Variants in KIAA0319 observed in about 807,000 individuals in gnomAD.
The protein encoded by KIAA0319 is KIAA0319, also known as dyslexia-associated protein KIAA0319.
Under a neutral mutation model 108.4 loss-of-function variants are expected in KIAA0319, and 83 were observed. The ratio of observed to expected loss-of-function variants is 0.77; its 90% confidence interval spans 0.64 to 0.92. KIAA0319 has a LOEUF of 0.92. Among genes scored for constraint, KIAA0319 ranks in the 40% least tolerant of loss-of-function variants. KIAA0319 has a pLI of 0.00. For missense variants in KIAA0319, 1,195 were observed against 1,322.4 expected, an observed-to-expected ratio of 0.90 and a Z score of 1.49; for synonymous variants, 484 against 510.4, an observed-to-expected ratio of 0.95 and a Z score of 0.70.
chr6:24,555,907 C>G (rs1762221921), intron 18 of KIAA0319, among the ~76,000 whole-genome samples: 1 of 152,140 alleles, frequency 6.6e-6, no homozygotes, highest in African/African-American at 2.4e-5. Context: ...AGCCCGTGGC[C>G]CAAGCAATTC....
chr6:24,624,342 G>A lies in KIAA0319; in HGVS notation c.-106+21394C>T, dbSNP rs146345712. ...GTTGTGAGCCGCCATGCCAGGCCTT[G>A]AATTTCTTTATTGCACAAACTATCT... On this transcript the variant is annotated intron_variant, in intron 1 of 20. Transcript: ENST00000378214. Among the ~76,000 whole-genome samples the A allele has an allele frequency of 4.8e-3, 719 of 151,334 alleles. 4 individuals carry two copies. Among genetic ancestry groups the A allele is most frequent in the African/African-American group, 0.016 (661 of 41,222 alleles).
At chr6:24,601,394 G>T in intron 1 of KIAA0319, 186 bp from the exon 2 acceptor site, 1 of 827,018 alleles carries the variant, frequency 1.2e-6, no homozygotes, top group Non-Finnish European at 1.5e-6. Context: ...CCTAAGAAGA[G>T]CCAAAGAATT....
intron 1 of KIAA0319, among the ~76,000 whole-genome samples, chr6:24,623,661 T>C (rs1429065787): frequency 2.0e-5 from 3 of 152,082 alleles, no homozygotes; most frequent in African/African-American, 7.2e-5. Flanking sequence ...ATGAAGAGGA[T>C]TGGTGAATGG....
chr6:24,606,993 C>A (rs192563483), intron 1 of KIAA0319, among the ~76,000 whole-genome samples: 1 of 152,178 alleles, frequency 6.6e-6, no homozygotes, highest in Non-Finnish European at 1.5e-5. Context: ...GGACAGCCAA[C>A]CTTTGAATTC....
chr6:24,604,979 T>G (rs1771190714), intron 1 of KIAA0319, among the ~76,000 whole-genome samples: 1 of 152,180 alleles, frequency 6.6e-6, no homozygotes, highest in African/African-American at 2.4e-5. Context: ...TAGCTAGGAT[T>G]ACAGGCGCCA....
intron 17 of KIAA0319, among the ~76,000 whole-genome samples, chr6:24,558,352 GATAT>G (rs767153802): frequency 7.7e-6 from 1 of 129,082 alleles, no homozygotes; most frequent in Non-Finnish European, 1.6e-5. Context: ...ATTGTAGATG[GATAT>G]ATATATATCT....
Position 24,547,021 on chromosome 6 carries a change from G to C in KIAA0319, c.*144C>G. ...TTTTGTTTTGTGCCTTCAAAAACCG[G>C]TCTTTTAGTACGTGGGGATACACAT... On this transcript the variant is annotated 3_prime_UTR_variant, in exon 21 of 21. Transcript: ENST00000378214. 1.3e-6 allele frequency: 1 copy of C among 796,634 alleles called. No individual in the cohort carries two copies. The highest frequency in any genetic ancestry group is 2.0e-6 in the Non-Finnish European group (1 of 499,840). 49.3% of individuals were successfully genotyped at this position (796,634 alleles called of 1,614,324 possible). A position where few individuals can be genotyped will look rare whatever the true frequency, so the allele number is the denominator to read the frequency against.
chr6:24,554,138 C>T (rs1435834286), intron 19 of KIAA0319, among the ~76,000 whole-genome samples: 6 of 152,144 alleles, frequency 3.9e-5, no homozygotes, highest in Admixed American at 6.5e-5. Context: ...AGGTAGACAG[C>T]GGCAAAAGTG....
intron 3 of KIAA0319, 41 bp from the exon 4 acceptor site, chr6:24,588,826 A>G: frequency 1.3e-6 from 2 of 1,529,852 alleles, no homozygotes; most frequent in Non-Finnish European, 1.8e-6. Flanking sequence ...ATTAAAAAAA[A>G]AACAGTCCAA....
At chr6:24,540,782 T>C (rs923467394), downstream of KIAA0319, among the ~76,000 whole-genome samples, 2 of 152,226 alleles carry the variant, frequency 1.3e-5, no homozygotes, top group African/African-American at 2.4e-5. Flanking sequence ...TATAAATTCA[T>C]AGGAAGTTGC....
At chr6:24,562,709 G>T (rs568707688) in intron 16 of KIAA0319, among the ~76,000 whole-genome samples, 22 of 152,158 alleles carry the variant, frequency 1.4e-4, no homozygotes, top group Non-Finnish European at 2.8e-4. Context: ...GTATAGTGGG[G>T]GCACCAGTAG....
At position 24,545,555 on chromosome 6, in the gene KIAA0319, A is replaced by T; in HGVS notation, c.*1610T>A. 1 of 152,320 alleles carries T rather than the reference A, an allele frequency of 6.6e-6. No homozygotes were observed. The highest frequency in any genetic ancestry group is 1.5e-5 in the Non-Finnish European group (1 of 68,034). The allele number at this position is 152,320 out of a possible 1,614,324, so 9.4% of individuals were successfully genotyped here. ...AAAAAAAAAATCACATTTTCCTTCTAACACTATAGACAGTATTGAATTGGC... is the reference window on the plus strand; with the variant it reads ...AAAAAAAAAATCACATTTTCCTTCTTACACTATAGACAGTATTGAATTGGC... On this transcript the variant is annotated 3_prime_UTR_variant, in exon 21 of 21. Coordinates refer to ENST00000378214, the MANE Select transcript of KIAA0319 (RefSeq NM_014809.4).
Position 24,579,921 on chromosome 6 carries a change from C to T in KIAA0319, c.1309G>A (p.Val437Ile). ...ARRVNLPPVA[V>I]VSPQLQELTL... ...AGCTCTTGCAGTTGGGGAGAAACAA[C>T]TGCTACAGGTGGCAGGTTGACTCTT... The change falls in exon 8 of 21, where the codon GTT becomes ATT. Residue 437 changes from valine to isoleucine, a missense_variant. Transcript: ENST00000378214. 6.3e-7 allele frequency: 1 copy of T among 1,599,330 alleles called. No individual in the cohort carries two copies. Among genetic ancestry groups the T allele is most frequent in the Non-Finnish European group, 8.5e-7 (1 of 1,172,230 alleles).
intron 17 of KIAA0319, among the ~76,000 whole-genome samples, chr6:24,558,369 A>C (rs1232314565): frequency 9.9e-5 from 3 of 30,294 alleles, no homozygotes; most frequent in Admixed American, 4.8e-4. Flanking sequence ...ATATATCTAG[A>C]TAGATAGATA....
chr6:24,607,631 T>G (rs557061531), intron 1 of KIAA0319, among the ~76,000 whole-genome samples: 1 of 152,314 alleles, frequency 6.6e-6, no homozygotes, highest in Admixed American at 6.5e-5. Flanking sequence ...TGCTTCCTTA[T>G]AGAAGCAATT....
Position 24,547,117 on chromosome 6 carries a change from C to T in KIAA0319, c.*48G>A. 1 of 1,589,860 alleles carries T rather than the reference C, an allele frequency of 6.3e-7. No homozygotes were observed. Among genetic ancestry groups the T allele is most frequent in the Non-Finnish European group, 8.6e-7 (1 of 1,159,756 alleles). On this transcript the variant is annotated 3_prime_UTR_variant, in exon 21 of 21. Transcript: ENST00000378214. ...GGTTTTGTGCTGTAACTCCCACTGA[C>T]TGGTCTTGGATTCAAGGGGTCCTTC...
chr6:24,572,681 G>T lies in KIAA0319; in HGVS notation c.1752C>A (p.Tyr584Ter), dbSNP rs200550445. Residue 584 changes from tyrosine to a stop codon, truncating the protein, a stop_gained, in exon 11 of 21, where the codon TAC becomes TAA. Transcript: ENST00000378214. LOFTEE classifies it high-confidence loss of function. Reference protein sequence around the residue: ...HVVMQGVQTPYLHLSAMQEGD... With the variant: ...HVVMQGVQTP ...CTTCCTGCATTGCAGATAAATGAAGGTATGGCGTCTGTACTCCCTAAGTAA... is the reference window on the plus strand; with the variant it reads ...CTTCCTGCATTGCAGATAAATGAAGTTATGGCGTCTGTACTCCCTAAGTAA... The T allele has an allele frequency of 1.2e-6, 2 of 1,612,650 alleles. No individual in the cohort carries two copies. The highest frequency in any genetic ancestry group is 1.7e-6 in the Non-Finnish European group (2 of 1,179,520).
At chr6:24,553,329 A>ATG (rs1204648286) in intron 19 of KIAA0319, among the ~76,000 whole-genome samples, 5 of 105,138 alleles carry the variant, frequency 4.8e-5, no homozygotes, top group African/African-American at 1.7e-4. Context: ...ACACACACAC[A>ATG]CACACACGCA....
At chr6:24,630,092 T>C (rs1775320318) in intron 1 of KIAA0319, among the ~76,000 whole-genome samples, 1 of 152,016 alleles carries the variant, frequency 6.6e-6, no homozygotes, top group Admixed American at 6.5e-5. Context: ...AGCAGGAGAA[T>C]TGCTTGAACC....
Sources: allele counts gnomAD v4.1 joint callset (sites outside exome capture counted in the v4.1 genomes callset), GRCh38; gene constraint gnomAD v4.1.1; transcripts MANE v1.5; gene names NCBI Gene and HGNC (gene_info 2026-07-23, HGNC 2026-07-21).